The following CTNS variants were observed in gnomAD, a reference collection of about 807,000 sequenced individuals.
CTNS encodes the protein cystinosin.
Under a neutral mutation model 43.7 loss-of-function variants are expected in CTNS, and 27 were observed. The ratio of observed to expected loss-of-function variants is 0.62; its 90% CI spans 0.46 to 0.85. CTNS has a LOEUF of 0.85. CTNS is among the 40% of genes least tolerant of loss of function. The pLI is 0.00. For synonymous variants in CTNS, 187 were observed against 190.6 expected, an observed-to-expected ratio of 0.98 and a Z score of 0.16; for missense variants, 457 against 475.4, an observed-to-expected ratio of 0.96 and a Z score of 0.36.
intron 4 of CTNS, among the ~76,000 whole-genome samples, chr17:3,648,416 G>T (rs1039674409): frequency 6.6e-6 from 1 of 152,216 alleles, no homozygotes; most frequent in Admixed American, 6.5e-5. Flanking sequence ...GCCTTCTCCC[G>T]TCAGATGCCT....
chr17:3,641,611 T>C (rs2075710186), intron 3 of CTNS, among the ~76,000 whole-genome samples: 2 of 151,578 alleles, frequency 1.3e-5, no homozygotes, highest in Admixed American at 6.6e-5. Flanking sequence ...CAGGCTGGTT[T>C]TGAGCTCCTG....
rs546028250 is a variant in CTNS, at chr17:3,658,212, G to T, written c.852+37G>T. On this transcript the variant is annotated intron_variant, in intron 10 of 11. Coordinates refer to ENST00000046640, the MANE Select transcript of CTNS (RefSeq NM_004937.3). ...GCCCTGTTCACATGGCCGGTGGCAG[G>T]AGAGGTGAGAGCTACATGGCCCAGG... The T allele has an allele frequency of 3.4e-5, 54 of 1,610,284 alleles. No individual in the cohort carries two copies. The Middle Eastern group carries it at 6.7e-4, about 20-fold the overall frequency.
At chr17:3,639,036 T>C (rs1567693703) in intron 2 of CTNS, among the ~76,000 whole-genome samples, 1 of 152,056 alleles carries the variant, frequency 6.6e-6, no homozygotes, top group Non-Finnish European at 1.5e-5. Context: ...GGAGACTTCT[T>C]GAGGAGTGTG....
chr17:3,655,242 G>C lies in CTNS; in HGVS notation c.351G>C (p.Val117=). ...NQTGPRIRFL[V]IRSSAISIIN... The stretch of plus-strand genomic sequence containing the variant: ...CCAGCCCGAGGATACGCTTTCTTGT[G>C]ATCCGCAGCAGCGCCATTAGCATCA... The change falls in exon 7 of 12, where the codon GTG becomes GTC. Residue 117 remains valine, a synonymous_variant. Transcript: ENST00000046640. 6.2e-7 allele frequency: 1 copy of C among 1,614,218 alleles called. No individual in the cohort carries two copies. Among genetic ancestry groups the C allele is most frequent in the South Asian group, 1.1e-5 (1 of 91,082 alleles).
Position 3,636,776 on chromosome 17 carries a change from C to G in CTNS, c.-285C>G, listed in dbSNP as rs2075538972. On this transcript the variant is annotated 5_prime_UTR_variant, in exon 1 of 12. Transcript: ENST00000046640. ...GAACGCGGTGCATTCCTGACCGGCA[C>G]CTGGCGAGGCTCATGCGTCCCGTGA... 6.5e-6 allele frequency: 1 copy of G among 152,686 alleles called. No individual in the cohort carries two copies. Among genetic ancestry groups the G allele is most frequent in the South Asian group, 2.0e-4 (1 of 5,080 alleles). The allele number at this position is 152,686 out of a possible 1,614,324, so 9.5% of individuals were successfully genotyped here.
intron 4 of CTNS, 30 bp downstream of exon 4, chr17:3,647,552 G>A: frequency 6.2e-7 from 1 of 1,604,192 alleles, no homozygotes; most frequent in Non-Finnish European, 8.5e-7. Flanking sequence ...GCTGTGCTCA[G>A]CTCCGCTCAG....
At position 3,656,774 on chromosome 17, in the gene CTNS, C is replaced by A. The variant is rs369227591; in HGVS notation, c.660C>A (p.Ile220=). Residue 220 remains isoleucine (I), a synonymous_variant, in exon 9 of 12, where the codon ATC becomes ATA. Coordinates refer to ENST00000046640, the MANE Select transcript of CTNS (RefSeq NM_004937.3). ...CGGTTGTCCTCACGCTGATCATCAT[C>A]GTGCAGTGCTGCCTGTATGAGGTGA... ...LHAVVLTLII[I]VQCCLYERGG... 5 of 1,613,262 alleles carry A rather than the reference C, an allele frequency of 3.1e-6. No homozygotes were observed. The highest frequency in any genetic ancestry group is 3.4e-6 in the Non-Finnish European group (4 of 1,180,006).
intron 3 of CTNS, among the ~76,000 whole-genome samples, chr17:3,646,764 C>T (rs1035295869): frequency 7.5e-6 from 1 of 132,984 alleles, no homozygotes; most frequent in Non-Finnish European, 1.7e-5. Context: ...GACCCTAAGA[C>T]CCAGATCTGC....
At chr17:3,656,035 TC>T in intron 7 of CTNS, 1 of 307,074 alleles carries the variant, frequency 3.3e-6, no homozygotes, top group Non-Finnish European at 6.3e-6. Context: ...TCCCTCCCAT[TC>T]CCCACAGTGG....
rs121908127 is a variant in CTNS at position 3,660,280 on chromosome 17, G to A, written c.1015G>A (p.Gly339Arg). The A allele has an allele frequency of 3.0e-5, 48 of 1,614,118 alleles. No homozygotes were observed. The highest frequency in any genetic ancestry group is 3.6e-5 in the Non-Finnish European group (43 of 1,180,050). ...IFGDPTKFGLGVFSIVFDVVF... is the reference protein window; with the variant it reads ...IFGDPTKFGLRVFSIVFDVVF... ...CGGAGACCCAACCAAGTTTGGACTC[G>A]GGGTCTTCTCCATCGTCTTCGACGT... The change falls in exon 12 of 12, where the codon GGG becomes AGG. Residue 339 changes from glycine (G) to arginine (R), a missense_variant. Transcript: ENST00000046640.
At chr17:3,646,351 C>T (rs1212187625) in intron 3 of CTNS, among the ~76,000 whole-genome samples, 2 of 147,182 alleles carry the variant, frequency 1.4e-5, no homozygotes, top group Non-Finnish European at 3.0e-5. Flanking sequence ...AATGCAGTAG[C>T]GATCTCAGCT....
At chr17:3,642,060 CGGGCGTGTGTGTGTGTGTGTGTGCCT>C (rs1322389336) in intron 3 of CTNS, among the ~76,000 whole-genome samples, 11 of 36,800 alleles carry the variant, frequency 3.0e-4, no homozygotes, top group Non-Finnish European at 6.9e-4. Context: ...TGTGTGTACC[CGGGCGTGTGTGTGTGTGTGTGTGCCT>C]GGGCGTGTGT....
intron 5 of CTNS, among the ~76,000 whole-genome samples, chr17:3,654,656 G>A (rs922661839): frequency 1.3e-5 from 2 of 150,436 alleles, no homozygotes; most frequent in Non-Finnish European, 3.0e-5. Flanking sequence ...ACTCCAGCCT[G>A]GGTGACAGAG....
rs539540566 is a variant in CTNS at position 3,657,294 on chromosome 17, G to A, written c.681+499G>A. ...GTGCAGCTGGGCTTCAGGGTGCCAG[G>A]AGGGGGCCCGCGTGCAGGCGGAGAC... On this transcript the variant is annotated intron_variant, in intron 9 of 11. Coordinates refer to ENST00000046640, the MANE Select transcript of CTNS (RefSeq NM_004937.3). Among the ~76,000 whole-genome samples the A allele has an allele frequency of 2.5e-4, 38 of 152,326 alleles. 1 individual carries two copies. In the South Asian group the frequency reaches 7.9e-3, roughly 32 times the overall value.
rs746463725 is a variant in CTNS, at chr17:3,655,254, C to T, written c.363C>T (p.Ser121=). Reference sequence around the variant, plus strand: ...TACGCTTTCTTGTGATCCGCAGCAGCGCCATTAGCATCATAAACCAGGTGA... The same window carrying T: ...TACGCTTTCTTGTGATCCGCAGCAGTGCCATTAGCATCATAAACCAGGTGA... The part of the protein sequence containing the change: ...PRIRFLVIRS[S]AISIINQVIG... The change falls in exon 7 of 12, where the codon AGC becomes AGT. Residue 121 remains serine (S), a synonymous_variant. Transcript: ENST00000046640. 4.3e-6 allele frequency: 7 copies of T among 1,614,194 alleles called. No homozygotes were observed. The highest frequency in any genetic ancestry group is 3.3e-5 in the South Asian group (3 of 91,082).
rs1315540590 is a variant in CTNS at position 3,660,399 on chromosome 17, G to C, written c.*30G>C. ...CAGGGACCCAGTGTACCCAGCCTCT[G>C]GCCTCGTGCCCTGCTGGGGAAGGCC... On this transcript the variant is annotated 3_prime_UTR_variant, in exon 12 of 12. Transcript: ENST00000046640. 1 of 1,613,996 alleles carries C rather than the reference G, an allele frequency of 6.2e-7. No homozygotes were observed. The highest frequency in any genetic ancestry group is 8.5e-7 in the Non-Finnish European group (1 of 1,180,050).
At chr17:3,657,621 C>G (rs1294878945) in intron 9 of CTNS, 12 of 333,126 alleles carry the variant, frequency 3.6e-5, no homozygotes, top group Middle Eastern at 9.6e-4. Flanking sequence ...TGGGACGAGT[C>G]AGTACCTGGC....
At chr17:3,657,200 A>C (rs985132189) in intron 9 of CTNS, among the ~76,000 whole-genome samples, 11 of 151,412 alleles carry the variant, frequency 7.3e-5, no homozygotes, top group African/African-American at 2.2e-4. Context: ...GGGAGGGGCC[A>C]GGGTGGGCTC....
At chr17:3,640,546 T>C (rs2150889567) in intron 3 of CTNS, among the ~76,000 whole-genome samples, 1 of 152,354 alleles carries the variant, frequency 6.6e-6, no homozygotes, top group South Asian at 2.1e-4. Flanking sequence ...AAGGTCAGAC[T>C]ATGCAGCTGA....
Sources: allele counts gnomAD v4.1 joint callset (sites outside exome capture counted in the v4.1 genomes callset), GRCh38; gene constraint gnomAD v4.1.1; transcripts MANE v1.5; gene names NCBI Gene and HGNC (gene_info 2026-07-23, HGNC 2026-07-21).